RANBP2: variants seen among roughly 807,000 people sequenced by gnomAD.
RANBP2 encodes E3 SUMO-protein ligase RanBP2.
RANBP2 carries 57 observed loss-of-function variants against 303.6 expected under a neutral mutation model. That is an observed-to-expected ratio of 0.19 (90% CI 0.15 to 0.23). The LOEUF (loss-of-function observed/expected upper bound fraction) is 0.23, where lower values mean the gene tolerates loss of function less well. RANBP2 is among the 10% of genes least tolerant of loss of function. The pLI, the probability that RANBP2 is intolerant of heterozygous loss-of-function variation, is 1.00. For synonymous variants in RANBP2, 1,167 were observed against 1,301.5 expected (o/e 0.90, Z 2.23); for missense variants, 3,138 against 3,780.8 (o/e 0.83, Z 4.46).
At chr2:109,662,138 C>T in the RANBP2 span, among the ~76,000 whole-genome samples, 8 of 152,310 alleles carry the variant, frequency 5.3e-5, no homozygotes, top group East Asian at 9.6e-4. Flanking sequence ...GGCTCAAGGA[C>T]TCCCCATCGC....
At chr2:109,427,307 T>A in the RANBP2 span, among the ~76,000 whole-genome samples, 1 of 152,216 alleles carries the variant, frequency 6.6e-6, no homozygotes, top group Non-Finnish European at 1.5e-5. Context: ...TACATTTTTT[T>A]AGACATAATG....
At chr2:109,564,630 G>T in the RANBP2 span, 1 of 1,086,382 alleles carries the variant, frequency 9.2e-7, no homozygotes, top group Non-Finnish European at 1.2e-6. Flanking sequence ...GAAAACATGT[G>T]AAACAACAAA....
intron 18 of RANBP2, among the ~76,000 whole-genome samples, chr2:108,761,545 A>T (rs2949968): frequency 2.0e-5 from 3 of 152,210 alleles, no homozygotes; most frequent in Non-Finnish European, 4.4e-5. Flanking sequence ...TTTGTACATC[A>T]GCATGAGTGT....
chr2:108,857,885 G>C, the RANBP2 span, among the ~76,000 whole-genome samples: 13 of 152,220 alleles, frequency 8.5e-5, no homozygotes, highest in Non-Finnish European at 1.6e-4. Context: ...GAATATGACA[G>C]AGATGGCATC....
the RANBP2 span, among the ~76,000 whole-genome samples, chr2:109,389,199 G>T: frequency 2.0e-5 from 3 of 152,210 alleles, no homozygotes; most frequent in Non-Finnish European, 4.4e-5. Flanking sequence ...GGTGCCTGTG[G>T]GTTTTGAGTC....
the RANBP2 span, among the ~76,000 whole-genome samples, chr2:109,338,671 C>G: frequency 6.6e-6 from 1 of 152,188 alleles, no homozygotes; most frequent in African/African-American, 2.4e-5. Context: ...AGTTCTCCTG[C>G]CTCAGCCTCA....
At chr2:108,960,373 C>T in the RANBP2 span, among the ~76,000 whole-genome samples, 58 of 152,330 alleles carry the variant, frequency 3.8e-4, no homozygotes, top group South Asian at 9.7e-3. Context: ...GTTCTCAAGA[C>T]GCTCTTGCTG....
chr2:109,018,870 T>C, the RANBP2 span, among the ~76,000 whole-genome samples: 2 of 152,242 alleles, frequency 1.3e-5, no homozygotes, highest in African/African-American at 4.8e-5. Context: ...CCCAGTAAAG[T>C]TCTATGAGGA....
the RANBP2 span, among the ~76,000 whole-genome samples, chr2:109,653,394 C>CAA: frequency 3.0e-4 from 42 of 141,814 alleles, no homozygotes; most frequent in South Asian, 9.1e-4. Context: ...GATTTCGTCT[C>CAA]AAAAAAAAAA....
At chr2:108,780,187 T>TC (rs1678145759) in intron 25 of RANBP2, among the ~76,000 whole-genome samples, 1 of 150,138 alleles carries the variant, frequency 6.7e-6, no homozygotes, top group Admixed American at 6.6e-5. Flanking sequence ...TTTTTTTTTT[T>TC]CCTTTTTTTC....
At chr2:108,907,140 C>T in the RANBP2 span, among the ~76,000 whole-genome samples, 8 of 152,144 alleles carry the variant, frequency 5.3e-5, no homozygotes, top group Admixed American at 5.2e-4. Flanking sequence ...GTGATAAAAC[C>T]CTGGGGACAG....
the RANBP2 span, among the ~76,000 whole-genome samples, chr2:109,524,763 T>A: frequency 0.047 from 7,133 of 151,706 alleles, 569 homozygotes; most frequent in African/African-American, 0.16. Flanking sequence ...TATAAATAAA[T>A]AAATAAAAAT....
the RANBP2 span, among the ~76,000 whole-genome samples, chr2:109,064,459 AAAAAAAAAAAAAC>A: frequency 6.8e-6 from 1 of 146,988 alleles, no homozygotes; most frequent in Non-Finnish European, 1.5e-5. Context: ...CTGTCTCAAA[AAAAAAAAAAAAAC>A]AAAAACAAAC....
the RANBP2 span, among the ~76,000 whole-genome samples, chr2:109,088,421 A>G: frequency 6.7e-6 from 1 of 148,422 alleles, no homozygotes; most frequent in South Asian, 2.1e-4. Context: ...AAAAAAGAGC[A>G]GCGAAAGAGA....
the RANBP2 span, among the ~76,000 whole-genome samples, chr2:109,497,561 C>T: frequency 1.2e-4 from 18 of 152,292 alleles, no homozygotes; most frequent in South Asian, 2.1e-4. Context: ...TGATTTATGA[C>T]GCACAGTTGT....
At chr2:109,590,163 A>G in the RANBP2 span, among the ~76,000 whole-genome samples, 2 of 151,730 alleles carry the variant, frequency 1.3e-5, no homozygotes. Flanking sequence ...ATGACAGACT[A>G]TTGAGAGTGG....
chr2:109,006,090 C>T, the RANBP2 span, among the ~76,000 whole-genome samples: 18 of 152,214 alleles, frequency 1.2e-4, no homozygotes, highest in African/African-American at 1.7e-4. Context: ...CTGCCCATAG[C>T]AGAAACGTGT....
At chr2:109,174,841 C>T in the RANBP2 span, among the ~76,000 whole-genome samples, 4 of 152,178 alleles carry the variant, frequency 2.6e-5, no homozygotes, top group Non-Finnish European at 4.4e-5. Context: ...GATAGGATAG[C>T]AGGAGCACAG....
the RANBP2 span, among the ~76,000 whole-genome samples, chr2:109,684,959 C>T: frequency 8.6e-5 from 13 of 151,744 alleles, 1 homozygote; most frequent in Admixed American, 3.9e-4. Context: ...CTGCAGTCTG[C>T]ATCTCCCAAG....
Sources: gnomAD v4.1 joint callset for allele counts (sites outside exome capture counted in the v4.1 genomes callset) on GRCh38, gnomAD v4.1.1 for gene constraint, MANE v1.5 for transcripts, NCBI Gene and HGNC (gene_info 2026-07-23, HGNC 2026-07-21) for gene names.